Variants in DGKB observed in about 807,000 individuals in gnomAD.
DGKB encodes the protein 90 kDa diacylglycerol kinase.
A neutral mutation model predicts 114.3 loss-of-function variants in DGKB; 67 were observed. The ratio of observed to expected loss-of-function variants is 0.59; its 90% CI spans 0.48 to 0.72. DGKB has a LOEUF of 0.72. Among genes scored for constraint, DGKB ranks in the 30% least tolerant of loss-of-function variants. The probability of loss-of-function intolerance (pLI) is 0.00; values close to 1 mark genes in which losing one functional copy is unlikely to be tolerated. For missense variants in DGKB, 907 were observed against 975.2 expected (o/e 0.93, Z 0.93); for synonymous variants, 398 against 323.1 (o/e 1.23, Z -2.49).
intron 1 of DGKB, among the ~76,000 whole-genome samples, chr7:14,933,110 T>C (rs543546422): frequency 6.6e-6 from 1 of 152,184 alleles, no homozygotes; most frequent in Non-Finnish European, 1.5e-5. Context: ...TCACAGAGCA[T>C]ATTATAAAAA....
rs142466043 is a variant in DGKB at position 14,958,355 on chromosome 7, T to A, written c.-188+16341A>T. ...TTTAGACAAATAAAGGGAGTAGATGTCAGACAGTGAATGTGTTACACAGTT... is the reference window on the plus strand; with the variant it reads ...TTTAGACAAATAAAGGGAGTAGATGACAGACAGTGAATGTGTTACACAGTT... On this transcript the variant is annotated intron_variant, in intron 1 of 4. Coordinates refer to the DGKB transcript ENST00000437998. Among the ~76,000 whole-genome samples, 657 of 150,796 alleles carry A rather than the reference T, an allele frequency of 4.4e-3. 8 individuals carry two copies. Among genetic ancestry groups the A allele is most frequent in the African/African-American group, 0.015 (609 of 41,002 alleles).
At chr7:14,464,517 A>T (rs1000340925) in intron 21 of DGKB, among the ~76,000 whole-genome samples, 14 of 152,356 alleles carry the variant, frequency 9.2e-5, no homozygotes, top group African/African-American at 2.9e-4. Context: ...ACTACTAAAC[A>T]TCAGTAAGTA....
At chr7:14,343,344 A>G (rs1023402721) in intron 22 of DGKB, among the ~76,000 whole-genome samples, 2 of 151,860 alleles carry the variant, frequency 1.3e-5, no homozygotes, top group Admixed American at 6.6e-5. Flanking sequence ...ACTCCAAGAA[A>G]CATAACTTAG....
upstream of DGKB, among the ~76,000 whole-genome samples, chr7:14,906,858 C>T (rs910949294): frequency 2.6e-5 from 4 of 152,036 alleles, no homozygotes; most frequent in African/African-American, 7.2e-5. Context: ...CTATTATCTG[C>T]AAAGCATTGG....
chr7:14,383,037 G>A (rs1390224754), intron 21 of DGKB, among the ~76,000 whole-genome samples: 3 of 152,184 alleles, frequency 2.0e-5, no homozygotes, highest in Non-Finnish European at 4.4e-5. Context: ...TGACAGTTTT[G>A]AACAAGAACT....
chr7:14,895,222 T>C (rs1462867197), intron 1 of DGKB, among the ~76,000 whole-genome samples: 4 of 151,650 alleles, frequency 2.6e-5, no homozygotes, highest in Non-Finnish European at 5.9e-5. Flanking sequence ...AGTTATGTTT[T>C]TGACTGAATG....
chr7:14,776,188 G>GA (rs34892436), intron 2 of DGKB, among the ~76,000 whole-genome samples: 1 of 152,080 alleles, frequency 6.6e-6, no homozygotes, highest in Non-Finnish European at 1.5e-5. Flanking sequence ...GTATCTGATG[G>GA]AAAAAATTTC....
intron 1 of DGKB, among the ~76,000 whole-genome samples, chr7:14,957,578 T>C (rs572105015): frequency 6.6e-6 from 1 of 152,160 alleles, no homozygotes; most frequent in East Asian, 1.9e-4. Context: ...CACCTAACAA[T>C]GATCTTGAAA....
intron 23 of DGKB, among the ~76,000 whole-genome samples, chr7:14,304,803 C>G (rs898746656): frequency 2.8e-4 from 43 of 151,976 alleles, no homozygotes; most frequent in African/African-American, 9.7e-4. Context: ...TGTTTTAATC[C>G]TAATGAAAAC....
chr7:14,254,990 A>G (rs1161167926), intron 23 of DGKB, among the ~76,000 whole-genome samples: 4 of 152,218 alleles, frequency 2.6e-5, no homozygotes, highest in Non-Finnish European at 5.9e-5. Flanking sequence ...AGGCACCAGT[A>G]GAAGTTGGAG....
At chr7:14,474,611 C>T (rs1024623963) in intron 21 of DGKB, among the ~76,000 whole-genome samples, 2 of 145,860 alleles carry the variant, frequency 1.4e-5, no homozygotes, top group African/African-American at 2.5e-5. Flanking sequence ...TTTAATGTTG[C>T]TTATTTTAGT....
At chr7:14,945,251 A>G (rs1450513176) in intron 1 of DGKB, among the ~76,000 whole-genome samples, 1 of 151,878 alleles carries the variant, frequency 6.6e-6, no homozygotes, top group East Asian at 1.9e-4. Context: ...ATATTATATA[A>G]TTGTGTTTAC....
chr7:14,206,267 T>G (rs1312223444), intron 23 of DGKB, among the ~76,000 whole-genome samples: 1 of 152,002 alleles, frequency 6.6e-6, no homozygotes, highest in Non-Finnish European at 1.5e-5. Context: ...ATAGATAGTT[T>G]GTAGGAAGAA....
chr7:14,311,952 G>A (rs1029385522), intron 23 of DGKB, among the ~76,000 whole-genome samples: 1 of 152,078 alleles, frequency 6.6e-6, no homozygotes, highest in African/African-American at 2.4e-5. Context: ...ATATGACAGT[G>A]GATAACTGTA....
At chr7:14,918,092 G>T (rs1268659465) in intron 1 of DGKB, among the ~76,000 whole-genome samples, 1 of 152,166 alleles carries the variant, frequency 6.6e-6, no homozygotes, top group South Asian at 2.1e-4. Context: ...TAACAGGAGA[G>T]AAATTCCCCT....
At position 14,596,349 on chromosome 7, in the gene DGKB, T is replaced by C. The variant is rs141866269; in HGVS notation, c.1433+11085A>G. Among the ~76,000 whole-genome samples, 29 of 152,324 alleles carry C rather than the reference T, an allele frequency of 1.9e-4. No homozygotes were observed. In the East Asian group the frequency reaches 5.2e-3, roughly 27 times the overall value. On this transcript the variant is annotated intron_variant, in intron 17 of 25. Coordinates refer to ENST00000402815, the MANE Select transcript of DGKB (RefSeq NM_001350709.2). ...AATTTTCCAAGGATAAGCTTTGAAC[T>C]TTGTACATTTCAAACCTCATTTCTC...
intron 2 of DGKB, among the ~76,000 whole-genome samples, chr7:14,833,455 T>C (rs1304141460): frequency 2.6e-5 from 4 of 152,076 alleles, no homozygotes; most frequent in Non-Finnish European, 5.9e-5. Context: ...AATAAATAGG[T>C]TCTTAATCAT....
chr7:14,164,275 T>C (rs2128227902), intron 25 of DGKB, among the ~76,000 whole-genome samples: 1 of 152,288 alleles, frequency 6.6e-6, no homozygotes, highest in African/African-American at 2.4e-5. Flanking sequence ...AATAAGCCAT[T>C]AGAGCAACTT....
chr7:14,906,447 C>CTTTTTTTTTTTTTTTT (rs34250901), upstream of DGKB, among the ~76,000 whole-genome samples: 1 of 103,882 alleles, frequency 9.6e-6, no homozygotes, highest in Non-Finnish European at 2.0e-5. Flanking sequence ...TTTTTTCTGT[C>CTTTTTTTTTTTTTTTT]TTTTTTTTTT....
Sources: gnomAD v4.1 joint callset for allele counts (sites outside exome capture counted in the v4.1 genomes callset) on GRCh38, gnomAD v4.1.1 for gene constraint, MANE v1.5 for transcripts, NCBI Gene and HGNC (gene_info 2026-07-23, HGNC 2026-07-21) for gene names.